The following ACAP2 variants were observed in gnomAD, a reference collection of about 807,000 sequenced individuals.
ACAP2 encodes ArfGAP with coiled-coil, ankyrin repeat and PH domains 2.
ACAP2 carries 39 observed loss-of-function variants against 115.8 expected under a neutral mutation model. That is an observed-to-expected ratio of 0.34 (90% confidence interval 0.26 to 0.44). The LOEUF is 0.44. ACAP2 is among the 20% of genes least tolerant of loss of function. The pLI, the probability that ACAP2 is intolerant of heterozygous loss-of-function variation, is 1.00. For missense variants in ACAP2, 662 were observed against 927.6 expected (o/e 0.71, Z 3.72); for synonymous variants, 289 against 315.8 (o/e 0.92, Z 0.90).
chr3:195,333,004 T>C, intron 8 of ACAP2, 24 bp downstream of exon 8: 2 of 1,526,544 alleles, frequency 1.3e-6, no homozygotes, highest in Non-Finnish European at 1.8e-6. Flanking sequence ...TAAAACAGAA[T>C]CAAGAAATAT....
Position 195,338,934 on chromosome 3 carries a change from A to G in ACAP2, c.529-1958T>C, listed in dbSNP as rs956103446. Among the ~76,000 whole-genome samples, 5 of 152,190 alleles carry G rather than the reference A, an allele frequency of 3.3e-5. No individual in the cohort carries two copies. The East Asian group carries it at 5.8e-4, about 18-fold the overall frequency. ...AAAATCTAAGTAACTTTACTTAACC[A>G]TAAGACTAGTTTCTGGCTGGGTGAG... On this transcript the variant is annotated intron_variant, in intron 6 of 22. Transcript: ENST00000326793.
In ACAP2 at chr3:195,376,753, T is replaced by C. The variant is rs117972753; in HGVS notation, c.285+4256A>G. On this transcript the variant is annotated intron_variant, in intron 4 of 22. Transcript: ENST00000326793. ...GTGGCTAATAACACAAATGGTTTTA[T>C]TATTTTCAAACATCTATTTAAGCCC... Among the ~76,000 whole-genome samples, 189 of 152,340 alleles carry C rather than the reference T, an allele frequency of 1.2e-3. 8 individuals carry two copies. The East Asian group carries it at 0.029, about 23-fold the overall frequency.
At chr3:195,407,765 G>A (rs1450880213) in intron 1 of ACAP2, among the ~76,000 whole-genome samples, 1 of 152,060 alleles carries the variant, frequency 6.6e-6, no homozygotes, top group Non-Finnish European at 1.5e-5. Context: ...ACCAGAAAGA[G>A]AAGATGAAAC....
intron 21 of ACAP2, among the ~76,000 whole-genome samples, chr3:195,287,839 C>T (rs1399567136): frequency 6.6e-6 from 1 of 152,150 alleles, no homozygotes; most frequent in African/African-American, 2.4e-5. Context: ...CACGGTGACT[C>T]ACGCCTGTAA....
intron 8 of ACAP2, among the ~76,000 whole-genome samples, chr3:195,331,721 C>G (rs933588143): frequency 6.6e-6 from 1 of 151,834 alleles, no homozygotes; most frequent in Non-Finnish European, 1.5e-5. Flanking sequence ...GAATGTTCGT[C>G]AATAAAAAAC....
chr3:195,307,751 GA>G (rs1728512717), intron 11 of ACAP2, among the ~76,000 whole-genome samples: 1 of 152,022 alleles, frequency 6.6e-6, no homozygotes, highest in Non-Finnish European at 1.5e-5. Flanking sequence ...AAATACCTAG[GA>G]GAATCAGAAA....
chr3:195,409,077 CCAGT>C (rs1362876733), intron 1 of ACAP2, among the ~76,000 whole-genome samples: 15 of 150,930 alleles, frequency 9.9e-5, no homozygotes, highest in African/African-American at 3.7e-4. Context: ...ACTGGAAGTC[CCAGT>C]CAGAGTCGCT....
chr3:195,332,983 A>T, intron 8 of ACAP2, 45 bp downstream of exon 8: 1 of 1,410,056 alleles, frequency 7.1e-7, no homozygotes, highest in Non-Finnish European at 9.9e-7. Flanking sequence ...AAAAATACAA[A>T]TACCAATGTA....
At chr3:195,298,953 C>G (rs1009805203) in intron 15 of ACAP2, among the ~76,000 whole-genome samples, 1 of 152,156 alleles carries the variant, frequency 6.6e-6, no homozygotes, top group African/African-American at 2.4e-5. Flanking sequence ...TTTCTACTAT[C>G]TCTCCCTGTC....
chr3:195,342,956 A>G (rs1212799684), intron 5 of ACAP2, among the ~76,000 whole-genome samples: 1 of 151,314 alleles, frequency 6.6e-6, no homozygotes, highest in African/African-American at 2.4e-5. Context: ...AGATCACACC[A>G]CTATACTCCA....
chr3:195,329,433 C>G (rs1185077060), intron 8 of ACAP2, among the ~76,000 whole-genome samples: 1 of 152,114 alleles, frequency 6.6e-6, no homozygotes, highest in Non-Finnish European at 1.5e-5. Flanking sequence ...CAGATCCCAT[C>G]ACTTCTCTTT....
intron 4 of ACAP2, among the ~76,000 whole-genome samples, chr3:195,352,726 A>G (rs537306048): frequency 6.6e-6 from 1 of 152,322 alleles, no homozygotes; most frequent in East Asian, 1.9e-4. Context: ...GGCTAGATGG[A>G]GTGACTTACT....
Position 195,442,816 on chromosome 3 carries a change from A to G in ACAP2, c.32T>C (p.Leu11Pro), listed in dbSNP as rs1716121923. ...TTACCTGAAGCGGGGCGAGTCCTTCAGACACTCCTCGAAATCCACAGTCAT... is the reference window on the plus strand; with the variant it reads ...TTACCTGAAGCGGGGCGAGTCCTTCGGACACTCCTCGAAATCCACAGTCAT... MKMTVDFEEC[L>P]KDSPRFRAAL... Residue 11 changes from leucine to proline, a missense_variant, in exon 1 of 23, where the codon CTG becomes CCG. Transcript: ENST00000326793. 1.3e-6 allele frequency: 2 copies of G among 1,530,922 alleles called. No homozygotes were observed. Among genetic ancestry groups the G allele is most frequent in the African/African-American group, 1.4e-5 (1 of 69,546 alleles). The allele number at this position is 1,530,922 out of a possible 1,614,324, so 94.8% of individuals were successfully genotyped here.
chr3:195,348,892 G>C (rs1577338077), intron 4 of ACAP2, among the ~76,000 whole-genome samples: 1 of 152,134 alleles, frequency 6.6e-6, no homozygotes, highest in East Asian at 1.9e-4. Flanking sequence ...TTCACCCTCA[G>C]ATCAGGACCA....
At chr3:195,357,056 C>T (rs560357410) in intron 4 of ACAP2, among the ~76,000 whole-genome samples, 37 of 151,984 alleles carry the variant, frequency 2.4e-4, no homozygotes, top group African/African-American at 8.7e-4. Context: ...GAACACTGGA[C>T]GGCACCTCTG....
At chr3:195,367,066 A>AC (rs796644254) in intron 4 of ACAP2, among the ~76,000 whole-genome samples, 1,836 of 151,834 alleles carry the variant, frequency 0.012, 36 homozygotes, top group African/African-American at 0.04. Flanking sequence ...AAAAAAAAAA[A>AC]AAAAACGGCA....
At position 195,342,590 on chromosome 3, in the gene ACAP2, C is replaced by T; in HGVS notation, c.409G>A (p.Ala137Thr). ...TGTACTTGGGCATTTTTTACTAACG[C>T]ATTTTCTTTTTCTTCACTGACTTTT... Reference protein sequence around the residue: ...FEKVSEEKENALVKNAQVQRN... With the variant: ...FEKVSEEKENTLVKNAQVQRN... The change falls in exon 6 of 23, where the codon GCG becomes ACG. Residue 137 changes from alanine to threonine, a missense_variant. This residue lies in a region of ACAP2 where 401 missense variants were observed against 604.4 expected (regional missense o/e 0.66). Coordinates refer to ENST00000326793, the MANE Select transcript of ACAP2 (RefSeq NM_012287.6). 6.2e-7 allele frequency: 1 copy of T among 1,611,926 alleles called. No individual in the cohort carries two copies. Among genetic ancestry groups the T allele is most frequent in the East Asian group, 2.2e-5 (1 of 44,828 alleles).
rs760106242 is a variant in ACAP2, at chr3:195,302,139, G to T, written c.1152C>A (p.Ser384Arg). 9 of 1,613,846 alleles carry T rather than the reference G, an allele frequency of 5.6e-6. No homozygotes were observed. The highest frequency in any genetic ancestry group is 7.6e-6 in the Non-Finnish European group (9 of 1,179,964). Residue 384 changes from serine to arginine, a missense_variant, in exon 14 of 23, where the codon AGC becomes AGA. Transcript: ENST00000326793. ...LDKKSSPSTGSLDSGNESKEK... is the reference protein window; with the variant it reads ...LDKKSSPSTGRLDSGNESKEK... ...CTTTGGACTCATTTCCAGAATCTAG[G>T]CTTCCTGTGGATGGAGATGATTTCT...
intron 4 of ACAP2, among the ~76,000 whole-genome samples, chr3:195,346,405 TAAG>T (rs375055804): frequency 3.0e-3 from 463 of 152,252 alleles, no homozygotes; most frequent in African/African-American, 0.01. Context: ...TTTCAAACAT[TAAG>T]AAGGAGAGAC....
Sources: allele counts gnomAD v4.1 joint callset (sites outside exome capture counted in the v4.1 genomes callset), GRCh38; gene constraint gnomAD v4.1.1; regional missense constraint gnomAD v4.1.1; transcripts MANE v1.5; gene names NCBI Gene and HGNC (gene_info 2026-07-23, HGNC 2026-07-21).